The following MACF1 variants were observed in gnomAD, a reference collection of about 807,000 sequenced individuals.
The protein encoded by MACF1 is microtubule actin crosslinking factor 1.
MACF1 carries 193 observed loss-of-function variants against 854.8 expected under a neutral mutation model. That is an observed-to-expected ratio of 0.23 (90% CI 0.20 to 0.25). The LOEUF (loss-of-function observed/expected upper bound fraction) is 0.25, where lower values mean the gene tolerates loss of function less well. MACF1 is among the 10% of genes least tolerant of loss of function. MACF1 has a pLI of 1.00. For missense variants in MACF1, 7,722 were observed against 8,929.1 expected, an observed-to-expected ratio of 0.86 and a Z score of 5.45; for synonymous variants, 3,185 against 3,226.7, an observed-to-expected ratio of 0.99 and a Z score of 0.44.
Position 39,439,328 on chromosome 1 carries a change from G to A in MACF1, c.18275G>A (p.Arg6092Gln), listed in dbSNP as rs201207653. ...TTCTTCTGGGAGGACATCAAAGCTC[G>A]GGCTGAAGAACGAGAAATCAAATTT... ...MVFFWEDIKA[R>Q]AEEREIKFLD... Residue 6092 changes from arginine to glutamine, a missense_variant, in exon 72 of 101, where the codon CGG (arginine) becomes CAG (glutamine). Physicochemically the swap from Arg to Gln is conservative, Grantham distance 43 (BLOSUM62 1). This residue lies in a region of MACF1 where 2,807 missense variants were observed against 3,235.8 expected (regional missense o/e 0.87). Coordinates refer to ENST00000564288, the MANE Select transcript of MACF1 (RefSeq NM_001394062.1). The A allele has an allele frequency of 1.6e-5, 26 of 1,613,930 alleles. No homozygotes were observed. The highest frequency in any genetic ancestry group is 1.3e-4 in the Admixed American group (8 of 60,002).
At chr1:39,170,420 A>G (rs1643933043) in intron 2 of MACF1, among the ~76,000 whole-genome samples, 1 of 152,196 alleles carries the variant, frequency 6.6e-6, no homozygotes, top group East Asian at 1.9e-4. Context: ...AGCACCTACC[A>G]TGTGTGCTGT....
In MACF1 at chr1:39,406,180, C is replaced by A. The variant is rs184236477; in HGVS notation, c.15817-16194C>A. On this transcript the variant is annotated intron_variant, in intron 58 of 100. Coordinates refer to ENST00000564288, the MANE Select transcript of MACF1 (RefSeq NM_001394062.1). ...GATTAGATTACTATATGTAATTTCT[C>A]TTTAGGTTGTATTTAAATTTGTTTT... Among the ~76,000 whole-genome samples the A allele has an allele frequency of 3.9e-3, 588 of 152,262 alleles. 5 individuals are homozygous for A. The highest frequency in any genetic ancestry group is 0.013 in the African/African-American group (540 of 41,560).
chr1:39,215,252 C>T (rs533639502), intron 1 of MACF1: 4 of 152,702 alleles, frequency 2.6e-5, no homozygotes, highest in African/African-American at 7.2e-5. Flanking sequence ...GCTGTCTCCT[C>T]TCTACACCTC....
chr1:39,236,070 C>T (rs1178136020), intron 2 of MACF1, among the ~76,000 whole-genome samples: 4 of 152,204 alleles, frequency 2.6e-5, no homozygotes, highest in African/African-American at 9.7e-5. Flanking sequence ...AAGTCCTTTA[C>T]ATGGATTATT....
At chr1:39,318,319 T>C in intron 29 of MACF1, 134 bp from the exon 30 acceptor site, 1 of 743,724 alleles carries the variant, frequency 1.3e-6, no homozygotes, top group Non-Finnish European at 2.2e-6. Context: ...CTTGCATCGC[T>C]GTTCCCCGTA....
intron 91 of MACF1, 111 bp downstream of exon 91, chr1:39,459,360 C>T (rs2124037579): frequency 8.6e-7 from 1 of 1,157,200 alleles, no homozygotes; most frequent in South Asian, 1.6e-5. Flanking sequence ...TACTTTTTCA[C>T]AATAGAAACA....
intron 20 of MACF1, among the ~76,000 whole-genome samples, chr1:39,297,195 G>A (rs1372081905): frequency 6.6e-6 from 1 of 152,108 alleles, no homozygotes; most frequent in Non-Finnish European, 1.5e-5. Flanking sequence ...GAAAGTGCTG[G>A]GATTACAGGC....
intron 2 of MACF1, among the ~76,000 whole-genome samples, chr1:39,124,537 A>G (rs1642811580): frequency 1.3e-5 from 2 of 152,220 alleles, no homozygotes. Context: ...GTTATTACTA[A>G]TAATTAAATT....
chr1:39,313,577 C>T (rs1646345947), intron 26 of MACF1, among the ~76,000 whole-genome samples: 1 of 151,560 alleles, frequency 6.6e-6, no homozygotes, highest in African/African-American at 2.4e-5. Context: ...TCCCTCCTTC[C>T]CTTGCTTTCT....
intron 62 of MACF1, among the ~76,000 whole-genome samples, 163 bp from the exon 63 acceptor site, chr1:39,427,798 C>A (rs902886237): frequency 1.3e-5 from 2 of 152,156 alleles, no homozygotes; most frequent in Admixed American, 1.3e-4. Flanking sequence ...TAGGCTACCA[C>A]CGGAATAAAC....
intron 2 of MACF1, among the ~76,000 whole-genome samples, chr1:39,119,365 A>C (rs1642635372): frequency 6.6e-6 from 1 of 151,524 alleles, no homozygotes. Context: ...CAAGTGTTAT[A>C]ATTGTAATTC....
chr1:39,378,079 TA>T (rs1435928150), intron 52 of MACF1, among the ~76,000 whole-genome samples: 1 of 152,174 alleles, frequency 6.6e-6, no homozygotes, highest in Non-Finnish European at 1.5e-5. Context: ...AAGATATTGA[TA>T]TAAAAGGTGA....
Position 39,385,466 on chromosome 1 carries a change from A to C in MACF1, c.13881A>C (p.Gln4627His). 2 of 1,614,178 alleles carry C rather than the reference A, an allele frequency of 1.2e-6. No homozygotes were observed. Among genetic ancestry groups the C allele is most frequent in the Non-Finnish European group, 1.7e-6 (2 of 1,180,016 alleles). ...TAAAGGAATTTGAAGCACGCAGGCA[A>C]CAGCATGAGCAACTGAATGAGGCAG... is the stretch of plus-strand genomic sequence containing the variant. ...FMLKEFEARR[Q>H]QHEQLNEAAQ... The change falls in exon 57 of 101, where the codon CAA becomes CAC. Residue 4627 changes from glutamine to histidine, a missense_variant. Gln to His is a conservative substitution (Grantham distance 24, BLOSUM62 0). Around this residue, in one of 15 missense-constraint regions of MACF1, gnomAD observed 2,807 missense variants for 3,235.8 expected, o/e 0.87. Coordinates refer to ENST00000564288, the MANE Select transcript of MACF1 (RefSeq NM_001394062.1).
chr1:39,294,952 G>A, intron 18 of MACF1, 94 bp from the exon 19 acceptor site: 1 of 860,862 alleles, frequency 1.2e-6, no homozygotes, highest in Non-Finnish European at 1.9e-6. Flanking sequence ...CTATATTGTA[G>A]GTTCCTTTAA....
intron 2 of MACF1, among the ~76,000 whole-genome samples, chr1:39,190,870 G>A (rs1379900060): frequency 1.3e-5 from 2 of 152,092 alleles, no homozygotes; most frequent in East Asian, 1.9e-4. Flanking sequence ...TGGTGTGCCT[G>A]TAATCCCAGC....
At chr1:39,259,004 A>G (rs1377862779) in intron 6 of MACF1, among the ~76,000 whole-genome samples, 1 of 152,202 alleles carries the variant, frequency 6.6e-6, no homozygotes, top group Non-Finnish European at 1.5e-5. Flanking sequence ...ACCACAGGGT[A>G]TCCTCAGGCA....
intron 2 of MACF1, among the ~76,000 whole-genome samples, chr1:39,100,594 C>T (rs530179311): frequency 1.3e-5 from 2 of 152,282 alleles, no homozygotes; most frequent in Non-Finnish European, 2.9e-5. Flanking sequence ...TGGCTCATGC[C>T]TGTAATCCCA....
chr1:39,437,242 TGGCTTTTTTTTTTTTTAATGGGCCAG>T lies in MACF1; in HGVS notation c.17989-534_17989-509del, dbSNP rs1171969741. Among the ~76,000 whole-genome samples, 5 of 127,442 alleles carry T rather than the reference TGGCTTTTTTTTTTTTTAATGGGCCAG, an allele frequency of 3.9e-5. No homozygotes were observed. The East Asian group carries it at 1.1e-3, about 28-fold the overall frequency. 83.6% of individuals were successfully genotyped at this position (127,442 alleles called of 152,430 possible). A position where few individuals can be genotyped will look rare whatever the true frequency, so the allele number is the denominator to read the frequency against. Reference sequence around the variant, plus strand: ...ATATTTAGATTCTTAAAATAAATATTGGCTTTTTTTTTTTTTAATGGGCCAGCTCTGTATATGCCCAAAACAGTTTT... The same window carrying T: ...ATATTTAGATTCTTAAAATAAATATTCTCTGTATATGCCCAAAACAGTTTT... On this transcript the variant is annotated intron_variant, in intron 70 of 100. Transcript: ENST00000564288.
intron 2 of MACF1, among the ~76,000 whole-genome samples, chr1:39,092,270 T>C (rs1377215681): frequency 2.6e-5 from 4 of 152,068 alleles, no homozygotes; most frequent in Non-Finnish European, 5.9e-5. Context: ...AACTAAAGAA[T>C]CTAGACGGTG....
Sources: allele counts gnomAD v4.1 joint callset (sites outside exome capture counted in the v4.1 genomes callset), GRCh38; gene constraint gnomAD v4.1.1; regional missense constraint gnomAD v4.1.1; transcripts MANE v1.5; gene names NCBI Gene and HGNC (gene_info 2026-07-23, HGNC 2026-07-21).